The following EPC2 variants were observed in gnomAD, a reference collection of about 807,000 sequenced individuals.
The protein encoded by EPC2 is enhancer of polycomb homolog 2.
A neutral mutation model predicts 92.1 loss-of-function variants in EPC2; 14 were observed. The ratio of observed to expected loss-of-function variants is 0.15; its 90% CI spans 0.10 to 0.24. EPC2 has a LOEUF of 0.24. Among genes scored for constraint, EPC2 ranks in the 10% least tolerant of loss-of-function variants. The pLI is 1.00. For synonymous variants in EPC2, 340 were observed against 334.7 expected (o/e 1.02, Z -0.17); for missense variants, 755 against 971.5 (o/e 0.78, Z 2.96).
rs879739457 is a variant in EPC2 at position 148,739,830 on chromosome 2, C to CTTTTTTTTTTTTTTTTTTTTT, written c.314-3790_314-3789insTTTTTTTTTTTTTTTTTTTTT. ...TCTTTCTTCCTTTTCTTTTCTTCTT[C>CTTTTTTTTTTTTTTTTTTTTT]TTCTTTTTTTTTTTTTTTTTTTTTT... On this transcript the variant is annotated intron_variant, in intron 2 of 13. Transcript: ENST00000258484. Among the ~76,000 whole-genome samples, 15 of 96,704 alleles carry CTTTTTTTTTTTTTTTTTTTTT rather than the reference C, an allele frequency of 1.6e-4. 1 individual carries two copies. Among genetic ancestry groups the CTTTTTTTTTTTTTTTTTTTTT allele is most frequent in the Middle Eastern group, 0.012 (2 of 164 alleles). The allele number at this position is 96,704 out of a possible 152,430, so 63.4% of individuals were successfully genotyped here.
intron 1 of EPC2, among the ~76,000 whole-genome samples, chr2:148,670,829 A>C (rs545634263): frequency 6.6e-6 from 1 of 152,122 alleles, no homozygotes; most frequent in Admixed American, 6.5e-5. Context: ...CAGCCTCCCA[A>C]GTAGCTGGCA....
At chr2:148,781,616 C>A (rs376327350) in intron 10 of EPC2, 28 bp from the exon 11 acceptor site, 2 of 1,595,408 alleles carry the variant, frequency 1.3e-6, no homozygotes, top group African/African-American at 2.7e-5. Context: ...AAAACGTACT[C>A]ATTTCCAAAA....
chr2:148,684,719 A>G (rs1681479161), intron 1 of EPC2, among the ~76,000 whole-genome samples: 1 of 152,170 alleles, frequency 6.6e-6, no homozygotes, highest in Non-Finnish European at 1.5e-5. Flanking sequence ...CCCTATGCCT[A>G]CTTACATACC....
chr2:148,688,076 G>A (rs1219032103), intron 1 of EPC2, among the ~76,000 whole-genome samples: 1 of 152,122 alleles, frequency 6.6e-6, no homozygotes, highest in East Asian at 1.9e-4. Flanking sequence ...AGGCTTGAAT[G>A]AAATTAAGAC....
In EPC2 at chr2:148,765,279, A is replaced by ATTATTTAT. The variant is rs1308511606; in HGVS notation, c.1140+133_1140+134insTTATTTAT. 7.7e-6 allele frequency: 4 copies of ATTATTTAT among 519,762 alleles called. No homozygotes were observed. The East Asian group carries it at 1.4e-4, about 18-fold the overall frequency. 32.2% of individuals were successfully genotyped at this position (519,762 alleles called of 1,614,324 possible). ...ATGTATATAGCATAAACATTTCCAC[A>ATTATTTAT]GTATTTATGTAGCCACTGAAATGGT... On this transcript the variant is annotated intron_variant, in intron 7 of 13. Transcript: ENST00000258484.
intron 10 of EPC2, among the ~76,000 whole-genome samples, chr2:148,779,659 G>T (rs1683711887): frequency 3.9e-5 from 6 of 152,194 alleles, no homozygotes; most frequent in Non-Finnish European, 8.8e-5. Context: ...TGACTTAAAA[G>T]ATTTTAGAAA....
intron 1 of EPC2, among the ~76,000 whole-genome samples, chr2:148,667,148 G>A (rs1681071280): frequency 6.6e-6 from 1 of 152,100 alleles, no homozygotes; most frequent in African/African-American, 2.4e-5. Flanking sequence ...CAGTAGGATG[G>A]GCCACGTTAT....
chr2:148,717,706 G>A (rs992325068), intron 2 of EPC2, among the ~76,000 whole-genome samples: 1 of 152,180 alleles, frequency 6.6e-6, no homozygotes, highest in Non-Finnish European at 1.5e-5. Flanking sequence ...GCAGTAATGA[G>A]AAGAATGTAT....
intron 1 of EPC2, chr2:148,645,479 G>T (rs1683779059): frequency 1.7e-5 from 6 of 355,114 alleles, no homozygotes; most frequent in East Asian, 1.4e-4. Context: ...CTTGGCGTAC[G>T]GTCTCTGTTT....
chr2:148,681,910 C>G (rs950890076), intron 1 of EPC2, among the ~76,000 whole-genome samples: 1 of 152,064 alleles, frequency 6.6e-6, no homozygotes, highest in Admixed American at 6.6e-5. Flanking sequence ...TGTGATGTTC[C>G]CCACCTTGTG....
At chr2:148,689,420 C>T (rs748831887) in intron 1 of EPC2, among the ~76,000 whole-genome samples, 9 of 152,066 alleles carry the variant, frequency 5.9e-5, no homozygotes, top group African/African-American at 9.7e-5. Flanking sequence ...CCTTTTGATC[C>T]GCCCATCTTG....
intron 2 of EPC2, among the ~76,000 whole-genome samples, chr2:148,698,265 G>T (rs1287560619): frequency 6.6e-6 from 1 of 152,096 alleles, no homozygotes; most frequent in African/African-American, 2.4e-5. Context: ...ATGGAGTTCA[G>T]TAAAGCCACC....
At chr2:148,749,388 A>G (rs1051459175) in intron 3 of EPC2, among the ~76,000 whole-genome samples, 4 of 152,138 alleles carry the variant, frequency 2.6e-5, no homozygotes. Flanking sequence ...TGCAAATAGA[A>G]ACTTTGACTG....
At position 148,765,012 on chromosome 2, in the gene EPC2, A is replaced by T. The variant is rs764015740; in HGVS notation, c.1006A>T (p.Lys336Ter). Residue 336 changes from lysine to a stop codon, truncating the protein, a stop_gained, in exon 7 of 14, where the codon AAG becomes TAG. Coordinates refer to ENST00000258484, the MANE Select transcript of EPC2 (RefSeq NM_015630.4). LOFTEE classifies it high-confidence loss of function. ...EASDVVRQKK[K>*]YPKKPKAEAL... ...TTCTGATGTGGTTCGTCAAAAGAAGAAGTACCCAAAGAAGCCTAAAGCAGA... is the reference window on the plus strand; with the variant it reads ...TTCTGATGTGGTTCGTCAAAAGAAGTAGTACCCAAAGAAGCCTAAAGCAGA... 2.5e-6 allele frequency: 4 copies of T among 1,605,808 alleles called. No individual in the cohort carries two copies. The highest frequency in any genetic ancestry group is 3.4e-6 in the Non-Finnish European group (4 of 1,175,626).
chr2:148,720,009 G>T (rs1682337050), intron 2 of EPC2, among the ~76,000 whole-genome samples: 1 of 152,198 alleles, frequency 6.6e-6, no homozygotes, highest in African/African-American at 2.4e-5. Flanking sequence ...GAATCAGTCT[G>T]GCCATGCCTT....
chr2:148,656,433 ATATT>A (rs1313578850), intron 1 of EPC2, among the ~76,000 whole-genome samples: 2 of 152,104 alleles, frequency 1.3e-5, no homozygotes, highest in African/African-American at 2.4e-5. Flanking sequence ...TTTTACTGTA[ATATT>A]TATTTATGAC....
At chr2:148,676,342 G>T (rs1681260499) in intron 1 of EPC2, among the ~76,000 whole-genome samples, 1 of 151,752 alleles carries the variant, frequency 6.6e-6, no homozygotes, top group Non-Finnish European at 1.5e-5. Flanking sequence ...GTTTCAAAAA[G>T]ATTTTTCAGA....
At chr2:148,693,543 C>T (rs1681683017) in intron 2 of EPC2, among the ~76,000 whole-genome samples, 1 of 152,196 alleles carries the variant, frequency 6.6e-6, no homozygotes, top group Non-Finnish European at 1.5e-5. Context: ...TGACACCAAC[C>T]TTATTGAAAT....
intron 1 of EPC2, among the ~76,000 whole-genome samples, chr2:148,689,626 C>T (rs1283827426): frequency 1.3e-5 from 2 of 152,024 alleles, no homozygotes; most frequent in Non-Finnish European, 2.9e-5. Flanking sequence ...AGGGAAAATT[C>T]TATTTAGGAG....
Sources: gnomAD v4.1 joint callset for allele counts (sites outside exome capture counted in the v4.1 genomes callset) on GRCh38, gnomAD v4.1.1 for gene constraint, MANE v1.5 for transcripts, NCBI Gene and HGNC (gene_info 2026-07-23, HGNC 2026-07-21) for gene names.